Variants in NRXN1 observed in about 807,000 individuals in gnomAD.
The protein encoded by NRXN1 is neurexin-1.
In NRXN1, 39 loss-of-function variants were observed where a neutral mutation model predicts 150.9. That is an observed-to-expected ratio of 0.26 (90% CI 0.20 to 0.34). The LOEUF (loss-of-function observed/expected upper bound fraction) is 0.34, where lower values mean the gene tolerates loss of function less well. NRXN1 is among the 10% of genes least tolerant of loss of function. The probability of loss-of-function intolerance (pLI) is 1.00; values close to 1 mark genes in which losing one functional copy is unlikely to be tolerated. For synonymous variants in NRXN1, 924 were observed against 757.0 expected, an observed-to-expected ratio of 1.22 and a Z score of -3.62; for missense variants, 1,815 against 1,949.9, an observed-to-expected ratio of 0.93 and a Z score of 1.30.
chr2:50,239,799 C>G (rs1186410098), intron 17 of NRXN1, among the ~76,000 whole-genome samples: 1 of 146,690 alleles, frequency 6.8e-6, no homozygotes, highest in Non-Finnish European at 1.5e-5. Flanking sequence ...TCAAGGCCAA[C>G]TGTTATCATA....
intron 8 of NRXN1, among the ~76,000 whole-genome samples, chr2:50,596,481 A>G (rs1259815869): frequency 6.6e-6 from 1 of 152,224 alleles, no homozygotes; most frequent in African/African-American, 2.4e-5. Context: ...AAATCACATT[A>G]AAAGAAATTA....
At chr2:50,188,095 C>A (rs2061204777) in intron 18 of NRXN1, among the ~76,000 whole-genome samples, 1 of 151,900 alleles carries the variant, frequency 6.6e-6, no homozygotes. Context: ...ACTGCCCTGG[C>A]CAGAAGTTCC....
At chr2:50,906,163 A>T (rs1454476131) in intron 5 of NRXN1, among the ~76,000 whole-genome samples, 1 of 152,140 alleles carries the variant, frequency 6.6e-6, no homozygotes, top group Non-Finnish European at 1.5e-5. Flanking sequence ...TCCATTAAAA[A>T]TACCAAGTAG....
At chr2:50,530,066 T>C (rs575725455) in intron 11 of NRXN1, among the ~76,000 whole-genome samples, 11 of 152,196 alleles carry the variant, frequency 7.2e-5, no homozygotes, top group Non-Finnish European at 1.5e-4. Flanking sequence ...CTATGTAGTT[T>C]CAAATTTCAT....
intron 21 of NRXN1, among the ~76,000 whole-genome samples, chr2:50,030,765 T>A (rs78384274): frequency 0.037 from 5,565 of 152,240 alleles, 349 homozygotes; most frequent in African/African-American, 0.13. Flanking sequence ...AAAAGCTGCA[T>A]GCATTTTCAT....
At chr2:50,976,224 A>T (rs1695813786) in intron 2 of NRXN1, among the ~76,000 whole-genome samples, 1 of 148,558 alleles carries the variant, frequency 6.7e-6, no homozygotes, top group African/African-American at 2.5e-5. Context: ...GAAACTCACT[A>T]GGTGCACAAA....
At chr2:50,590,019 G>T (rs144787222) in intron 8 of NRXN1, among the ~76,000 whole-genome samples, 170 of 152,294 alleles carry the variant, frequency 1.1e-3, no homozygotes, top group African/African-American at 3.9e-3. Context: ...TGAATAGAAT[G>T]TATTTATGGA....
Position 50,347,497 on chromosome 2 carries a change from T to C in NRXN1, c.3365-110527A>G. On this transcript the variant is annotated intron_variant, in intron 17 of 22. Coordinates refer to ENST00000401669, the MANE Select transcript of NRXN1 (RefSeq NM_001330078.2). The surrounding 1 kb of genome is among the most constrained non-coding windows in gnomAD (Gnocchi z 4.9). ...CCATGGAATCCAGGCGCCCCTTCCCTCCATTCAGCCCCGGCCGGCTCGCCC... is the reference window on the plus strand; with the variant it reads ...CCATGGAATCCAGGCGCCCCTTCCCCCCATTCAGCCCCGGCCGGCTCGCCC... 9.4e-7 allele frequency: 1 copy of C among 1,068,594 alleles called. No homozygotes were observed. The highest frequency in any genetic ancestry group is 1.1e-6 in the Non-Finnish European group (1 of 878,850). The allele number at this position is 1,068,594 out of a possible 1,614,324, so 66.2% of individuals were successfully genotyped here.
intron 18 of NRXN1, among the ~76,000 whole-genome samples, chr2:50,150,470 A>G (rs981237825): frequency 1.3e-5 from 2 of 151,786 alleles, no homozygotes; most frequent in Non-Finnish European, 2.9e-5. Flanking sequence ...ACCTACTGAT[A>G]AGTCCACACT....
chr2:50,651,362 C>A (rs554309360), intron 5 of NRXN1, among the ~76,000 whole-genome samples: 4 of 151,886 alleles, frequency 2.6e-5, no homozygotes, highest in Admixed American at 6.6e-5. Flanking sequence ...CCTGTAATCC[C>A]AGCACTTTGG....
intron 17 of NRXN1, among the ~76,000 whole-genome samples, chr2:50,281,163 A>G (rs2071397553): frequency 6.7e-6 from 1 of 149,766 alleles, no homozygotes; most frequent in African/African-American, 2.4e-5. Context: ...AAAAAAAAAA[A>G]AAAAATTAGC....
intron 21 of NRXN1, among the ~76,000 whole-genome samples, chr2:49,981,135 C>T (rs1291161630): frequency 6.6e-6 from 1 of 152,062 alleles, no homozygotes. Context: ...TTTAAATTTT[C>T]TGAGCTTTTT....
At chr2:50,985,418 C>A (rs547244851) in intron 2 of NRXN1, 1 of 151,718 alleles carries the variant, frequency 6.6e-6, no homozygotes, top group Admixed American at 6.6e-5. Flanking sequence ...TTATCTTCAA[C>A]GTCGGTTAAT....
At chr2:50,626,318 G>T (rs944157440) in intron 5 of NRXN1, among the ~76,000 whole-genome samples, 7 of 151,516 alleles carry the variant, frequency 4.6e-5, no homozygotes, top group African/African-American at 1.5e-4. Flanking sequence ...GAAAAAAAAA[G>T]AGTCCCAAAT....
chr2:50,115,147 T>A (rs1468414245), intron 18 of NRXN1, among the ~76,000 whole-genome samples: 1 of 131,052 alleles, frequency 7.6e-6, no homozygotes, highest in Non-Finnish European at 1.6e-5. Flanking sequence ...TTTCGCTCAA[T>A]TTTTTTTTTT....
intron 5 of NRXN1, among the ~76,000 whole-genome samples, chr2:50,798,928 G>A (rs1425990197): frequency 6.6e-6 from 1 of 152,148 alleles, no homozygotes; most frequent in African/African-American, 2.4e-5. Context: ...TTGCTGAAAA[G>A]TTAGCATTTT....
chr2:50,407,748 G>T (rs115323320), intron 17 of NRXN1, among the ~76,000 whole-genome samples: 1 of 151,988 alleles, frequency 6.6e-6, no homozygotes, highest in Non-Finnish European at 1.5e-5. Context: ...AGAGACCTCC[G>T]CAGCAAAAAG....
rs546833944 is a variant in NRXN1 at position 50,476,895 on chromosome 2, A to C, written c.3071-4424T>G. ...TTTGACACAAAGCGATTAAGAGGAC[A>C]AAAAAACTCTATGAAGCCCAAGGGC... On this transcript the variant is annotated intron_variant, in intron 15 of 22. Transcript: ENST00000401669. Among the ~76,000 whole-genome samples the C allele has an allele frequency of 2.7e-3, 415 of 151,866 alleles. 4 individuals are homozygous for C. The highest frequency in any genetic ancestry group is 9.4e-3 in the African/African-American group (390 of 41,536).
At chr2:50,422,816 C>CA (rs1261355916) in intron 17 of NRXN1, among the ~76,000 whole-genome samples, 8 of 152,256 alleles carry the variant, frequency 5.3e-5, no homozygotes, top group South Asian at 2.1e-4. Context: ...AAGAAATATA[C>CA]AAGGCAGTTA....
Sources: allele counts gnomAD v4.1 joint callset (sites outside exome capture counted in the v4.1 genomes callset), GRCh38; gene constraint gnomAD v4.1.1; non-coding constraint Gnocchi (gnomAD v3.1); transcripts MANE v1.5; gene names NCBI Gene and HGNC (gene_info 2026-07-23, HGNC 2026-07-21).